PARD3B: variants seen among roughly 807,000 people sequenced by gnomAD.
The protein encoded by PARD3B is partitioning defective 3 homolog B.
In PARD3B, 103 loss-of-function variants were observed where a neutral mutation model predicts 130.2. The observed-to-expected ratio is 0.79, with a 90% CI of 0.67 to 0.93. The LOEUF is 0.93. PARD3B is among the 40% of genes least tolerant of loss of function. The pLI is 0.00. For synonymous variants in PARD3B, 583 were observed against 553.2 expected (o/e 1.05, Z -0.76); for missense variants, 1,609 against 1,499.2 (o/e 1.07, Z -1.21).
chr2:205,101,360 ATAAAT>A (rs975653759), intron 4 of PARD3B, among the ~76,000 whole-genome samples: 55 of 152,350 alleles, frequency 3.6e-4, no homozygotes, highest in African/African-American at 1.3e-3. Context: ...GATGAATAAA[ATAAAT>A]TAAAATTAAA....
chr2:205,536,590 T>A (rs2051870993), intron 21 of PARD3B, among the ~76,000 whole-genome samples: 1 of 152,192 alleles, frequency 6.6e-6, no homozygotes, highest in Admixed American at 6.5e-5. Flanking sequence ...GCACTGTTGC[T>A]TGTCTGCAAA....
intron 16 of PARD3B, among the ~76,000 whole-genome samples, chr2:205,262,897 A>G (rs10204712): frequency 0.16 from 24,666 of 152,082 alleles, 2,279 homozygotes; most frequent in African/African-American, 0.26. Flanking sequence ...ATTTCTGGAT[A>G]TGAATACATA....
intron 2 of PARD3B, among the ~76,000 whole-genome samples, chr2:204,821,135 C>G (rs904417164): frequency 7.9e-5 from 12 of 152,120 alleles, no homozygotes; most frequent in African/African-American, 2.9e-4. Context: ...TATGTTTTGG[C>G]TCTGTGTCCC....
intron 2 of PARD3B, among the ~76,000 whole-genome samples, chr2:204,927,003 A>G (rs927218853): frequency 1.3e-5 from 2 of 152,096 alleles, no homozygotes; most frequent in African/African-American, 4.8e-5. Flanking sequence ...GTTTGGGATT[A>G]TAGGCAGAAT....
chr2:204,650,363 G>GA (rs1210173915), intron 1 of PARD3B, among the ~76,000 whole-genome samples: 1 of 152,118 alleles, frequency 6.6e-6, no homozygotes, highest in African/African-American at 2.4e-5. Flanking sequence ...GTTAAAAACA[G>GA]AATGACCATT....
rs186755520 is a variant in PARD3B at position 205,618,161 on chromosome 2, G to A, written c.*2348G>A. 8 of 152,364 alleles carry A rather than the reference G, an allele frequency of 5.3e-5. No individual in the cohort carries two copies. Among genetic ancestry groups the A allele is most frequent in the Admixed American group, 3.9e-4 (6 of 15,308 alleles). 9.4% of individuals were successfully genotyped at this position (152,364 alleles called of 1,614,324 possible). Reference sequence around the variant, plus strand: ...CTAATCCTGAATGGCAGCCAGTGATGTGAAGGTACTATTAAAGTGAACAAA... The same window carrying A: ...CTAATCCTGAATGGCAGCCAGTGATATGAAGGTACTATTAAAGTGAACAAA... On this transcript the variant is annotated 3_prime_UTR_variant, in exon 23 of 23. Transcript: ENST00000406610.
Position 205,362,840 on chromosome 2 carries a change from T to C in PARD3B, c.2631-38173T>C, listed in dbSNP as rs556718140. Among the ~76,000 whole-genome samples, 3 of 152,360 alleles carry C rather than the reference T, an allele frequency of 2.0e-5. No individual in the cohort carries two copies. The East Asian group carries it at 5.8e-4, about 29-fold the overall frequency. On this transcript the variant is annotated intron_variant, in intron 18 of 22. Coordinates refer to ENST00000406610, the MANE Select transcript of PARD3B (RefSeq NM_001302769.2). ...ATTAGAAGCCGGCTTGCCTGACTTC[T>C]GCTCTTCCACTGTACCTCTACATTA... is the stretch of plus-strand genomic sequence containing the variant.
At chr2:205,103,226 TAAAC>T (rs932043183) in intron 4 of PARD3B, among the ~76,000 whole-genome samples, 3 of 132,380 alleles carry the variant, frequency 2.3e-5, no homozygotes, top group Non-Finnish European at 4.8e-5. Flanking sequence ...TTATGTAAAA[TAAAC>T]ATATTTTATA....
In PARD3B at chr2:205,404,187, G is replaced by A. The variant is rs143943223; in HGVS notation, c.2741+3064G>A. Among the ~76,000 whole-genome samples, 631 of 152,146 alleles carry A rather than the reference G, an allele frequency of 4.1e-3. 6 individuals are homozygous for A. The highest frequency in any genetic ancestry group is 0.014 in the African/African-American group (585 of 41,510). The stretch of plus-strand genomic sequence containing the variant: ...TCCACATCTGTGGATTCAACCAACC[G>A]CAGATTGAAAATATTTAGAAAAGAA... On this transcript the variant is annotated intron_variant, in intron 19 of 22. Coordinates refer to ENST00000406610, the MANE Select transcript of PARD3B (RefSeq NM_001302769.2).
chr2:204,917,664 T>A (rs1451892560), intron 2 of PARD3B, among the ~76,000 whole-genome samples: 1 of 152,192 alleles, frequency 6.6e-6, no homozygotes, highest in Non-Finnish European at 1.5e-5. Context: ...ATACTAATGT[T>A]TTATAATTTT....
chr2:204,795,635 A>G (rs1391535670), intron 2 of PARD3B, among the ~76,000 whole-genome samples: 1 of 152,208 alleles, frequency 6.6e-6, no homozygotes, highest in Non-Finnish European at 1.5e-5. Flanking sequence ...GAAATTTCCA[A>G]ACTTTCATCA....
chr2:205,161,595 C>T (rs778815320), intron 11 of PARD3B, among the ~76,000 whole-genome samples: 7 of 152,196 alleles, frequency 4.6e-5, no homozygotes, highest in Non-Finnish European at 1.0e-4. Context: ...GCCACCCATT[C>T]TATGATTCAG....
Position 204,673,489 on chromosome 2 carries a change from A to G in PARD3B, c.121-12692A>G, listed in dbSNP as rs977065592. Among the ~76,000 whole-genome samples the G allele has an allele frequency of 1.3e-5, 2 of 152,190 alleles. No homozygotes were observed. The highest frequency in any genetic ancestry group is 2.9e-5 in the Non-Finnish European group (2 of 68,038). ...CAAGCGAACTAGTTTTCCCACTCTC[A>G]TATAAGGGTTGCTTTTCTGAGCTTT... On this transcript the variant is annotated intron_variant, in intron 1 of 22. Coordinates refer to ENST00000406610, the MANE Select transcript of PARD3B (RefSeq NM_001302769.2). This position sits in a 1 kb window ranked among gnomAD's most constrained non-coding sequence, Gnocchi z 4.7.
chr2:204,954,188 A>T (rs1690043292), intron 2 of PARD3B, among the ~76,000 whole-genome samples: 1 of 152,202 alleles, frequency 6.6e-6, no homozygotes, highest in South Asian at 2.1e-4. Context: ...CTAAAGGAAA[A>T]GGTTAGCACT....
chr2:205,277,968 A>G (rs1021810205), intron 16 of PARD3B, among the ~76,000 whole-genome samples: 3 of 152,156 alleles, frequency 2.0e-5, no homozygotes, highest in African/African-American at 7.2e-5. Context: ...GGAGAAAGAA[A>G]GGGCACTGGT....
chr2:204,702,264 G>A (rs2037931025), intron 2 of PARD3B, among the ~76,000 whole-genome samples: 1 of 152,140 alleles, frequency 6.6e-6, no homozygotes, highest in South Asian at 2.1e-4. Flanking sequence ...GTACCCAATA[G>A]TGGGATTGCT....
chr2:204,624,133 G>A (rs960201250), intron 1 of PARD3B, among the ~76,000 whole-genome samples: 3 of 152,076 alleles, frequency 2.0e-5, no homozygotes, highest in African/African-American at 7.2e-5. Flanking sequence ...AAATATGTAA[G>A]CAAATTCTAT....
chr2:205,607,579 A>T (rs2055046419), intron 22 of PARD3B, among the ~76,000 whole-genome samples: 2 of 152,152 alleles, frequency 1.3e-5, no homozygotes, highest in South Asian at 4.2e-4. Context: ...CGTCAAATGG[A>T]GGAAACATTT....
rs183104294 is a variant in PARD3B at position 205,619,342 on chromosome 2, G to T, written c.*3529G>T. On this transcript the variant is annotated 3_prime_UTR_variant, in exon 23 of 23. Coordinates refer to ENST00000406610, the MANE Select transcript of PARD3B (RefSeq NM_001302769.2). ...AACATTGTAGCATTTCAGGAGGGTC[G>T]AGAGATCTAAAGAGTTTGGTCTGAA... The T allele has an allele frequency of 1.3e-5, 2 of 152,172 alleles. No homozygotes were observed. Among genetic ancestry groups the T allele is most frequent in the Admixed American group, 6.5e-5 (1 of 15,280 alleles). 9.4% of individuals were successfully genotyped at this position (152,172 alleles called of 1,614,324 possible). A position where few individuals can be genotyped will look rare whatever the true frequency, so the allele number is the denominator to read the frequency against.
Sources: gnomAD v4.1 joint callset for allele counts (sites outside exome capture counted in the v4.1 genomes callset) on GRCh38, gnomAD v4.1.1 for gene constraint, Gnocchi (gnomAD v3.1) non-coding constraint, MANE v1.5 for transcripts, NCBI Gene and HGNC (gene_info 2026-07-23, HGNC 2026-07-21) for gene names.